The following LTBP1 variants were observed in gnomAD, a reference collection of about 807,000 sequenced individuals.
The protein encoded by LTBP1 is latent-transforming growth factor beta-binding protein 1.
LTBP1 carries 129 observed loss-of-function variants against 207.6 expected under a neutral mutation model. The observed-to-expected ratio is 0.62, with a 90% confidence interval of 0.54 to 0.72. The LOEUF (loss-of-function observed/expected upper bound fraction) is 0.72, where lower values mean the gene tolerates loss of function less well. LTBP1 is among the 30% of genes least tolerant of loss of function. The pLI is 0.00. For synonymous variants in LTBP1, 963 were observed against 833.7 expected, an observed-to-expected ratio of 1.16 and a Z score of -2.67; for missense variants, 2,281 against 2,217.2, an observed-to-expected ratio of 1.03 and a Z score of -0.58.
intron 4 of LTBP1, among the ~76,000 whole-genome samples, chr2:33,133,773 C>A (rs905325971): frequency 6.6e-6 from 1 of 152,080 alleles, no homozygotes; most frequent in Non-Finnish European, 1.5e-5. Context: ...CTGATAGAGA[C>A]GTTGAAAGTT....
chr2:33,118,677 G>A (rs2080918585), intron 4 of LTBP1, among the ~76,000 whole-genome samples: 2 of 152,222 alleles, frequency 1.3e-5, no homozygotes, highest in South Asian at 4.1e-4. Flanking sequence ...GTTCTGCTGA[G>A]CTGGTATCCT....
chr2:33,014,261 A>T (rs964145979), intron 2 of LTBP1, among the ~76,000 whole-genome samples: 4 of 152,162 alleles, frequency 2.6e-5, no homozygotes, highest in African/African-American at 9.7e-5. Context: ...ATGTTATGCT[A>T]ATTTTTTTTT....
Position 33,266,968 on chromosome 2 carries a change from C to G in LTBP1, c.2617+3576C>G, listed in dbSNP as rs549705471. Among the ~76,000 whole-genome samples, 360 of 152,342 alleles carry G rather than the reference C, an allele frequency of 2.4e-3. 2 individuals carry two copies. The highest frequency in any genetic ancestry group is 7.9e-3 in the South Asian group (38 of 4,832). On this transcript the variant is annotated intron_variant, in intron 15 of 33. Transcript: ENST00000404816. Reference sequence around the variant, plus strand: ...AGAAGAGCTGTGGCCCTTTGGGGAGCCCAAACCTAGGGGCTCCCCAAGCCA... The same window carrying G: ...AGAAGAGCTGTGGCCCTTTGGGGAGGCCAAACCTAGGGGCTCCCCAAGCCA...
chr2:33,244,401 C>T (rs1489299960), intron 10 of LTBP1, among the ~76,000 whole-genome samples: 1 of 152,156 alleles, frequency 6.6e-6, no homozygotes, highest in Non-Finnish European at 1.5e-5. Flanking sequence ...GAGATTTTCC[C>T]TTGTTTCTGA....
chr2:33,387,810 G>A (rs575518830), intron 31 of LTBP1, among the ~76,000 whole-genome samples: 61 of 150,982 alleles, frequency 4.0e-4, no homozygotes, highest in African/African-American at 1.3e-3. Context: ...ATTGCCTTGC[G>A]CGACAATAGA....
chr2:33,246,287 G>A (rs1418912843), intron 10 of LTBP1, among the ~76,000 whole-genome samples: 2 of 152,196 alleles, frequency 1.3e-5, no homozygotes, highest in Non-Finnish European at 2.9e-5. Context: ...TTTAGGATTT[G>A]CGATTTGAAC....
At chr2:33,131,736 T>C (rs186075821) in intron 4 of LTBP1, among the ~76,000 whole-genome samples, 25 of 152,364 alleles carry the variant, frequency 1.6e-4, no homozygotes, top group Non-Finnish European at 2.9e-4. Flanking sequence ...TGAAATAAAA[T>C]ATAGCTTCTG....
At position 33,134,470 on chromosome 2, in the gene LTBP1, C is replaced by T; in HGVS notation, c.1034-323C>T. On this transcript the variant is annotated intron_variant, in intron 4 of 33. Coordinates refer to ENST00000404816, the MANE Select transcript of LTBP1 (RefSeq NM_206943.4). This position sits in a 1 kb window ranked among gnomAD's most constrained non-coding sequence, Gnocchi z 4.4. Reference sequence around the variant, plus strand: ...TTAATCTGTCGTGCCCTCGGTATTGCTCTTTGTCTGCCCGTGAATAAAGTG... The same window carrying T: ...TTAATCTGTCGTGCCCTCGGTATTGTTCTTTGTCTGCCCGTGAATAAAGTG... 1 of 1,101,330 alleles carries T rather than the reference C, an allele frequency of 9.1e-7. No individual in the cohort carries two copies. The highest frequency in any genetic ancestry group is 1.3e-6 in the Non-Finnish European group (1 of 775,382). The allele number at this position is 1,101,330 out of a possible 1,614,324, so 68.2% of individuals were successfully genotyped here.
intron 19 of LTBP1, among the ~76,000 whole-genome samples, chr2:33,280,986 G>A (rs891636695): frequency 2.6e-5 from 4 of 152,076 alleles, no homozygotes; most frequent in Admixed American, 6.5e-5. Flanking sequence ...TGGGAGGATC[G>A]CTTGAGTCCA....
chr2:33,051,054 T>C (rs1379576050), intron 3 of LTBP1, among the ~76,000 whole-genome samples: 1 of 151,954 alleles, frequency 6.6e-6, no homozygotes, highest in African/African-American at 2.4e-5. Context: ...AGCCAGAAAA[T>C]GAGCATGGTA....
intron 15 of LTBP1, among the ~76,000 whole-genome samples, chr2:33,270,151 C>T (rs1030322934): frequency 6.6e-6 from 1 of 151,760 alleles, no homozygotes; most frequent in Admixed American, 6.6e-5. Context: ...CTGACCTCGC[C>T]TCAAGTGATC....
intron 2 of LTBP1, among the ~76,000 whole-genome samples, chr2:32,969,624 G>T (rs890976035): frequency 1.3e-5 from 2 of 152,110 alleles, no homozygotes; most frequent in African/African-American, 4.8e-5. Context: ...TTAAGGCTGT[G>T]TAATATTCCA....
intron 2 of LTBP1, among the ~76,000 whole-genome samples, chr2:32,980,163 A>T (rs1033646402): frequency 3.6e-4 from 54 of 151,942 alleles, no homozygotes; most frequent in Non-Finnish European, 4.4e-5. Flanking sequence ...ATTTACATTC[A>T]GTGTTGTTAT....
chr2:33,013,767 A>C (rs1687986988), intron 2 of LTBP1, among the ~76,000 whole-genome samples: 1 of 152,152 alleles, frequency 6.6e-6, no homozygotes, highest in Non-Finnish European at 1.5e-5. Flanking sequence ...TTTAAATTAC[A>C]TCACATGGTT....
chr2:33,262,850 C>A, intron 14 of LTBP1, 29 bp downstream of exon 14: 1 of 1,487,682 alleles, frequency 6.7e-7, no homozygotes, highest in Non-Finnish European at 9.2e-7. Flanking sequence ...TGCTGTTTGT[C>A]AGAGTATTCT....
intron 31 of LTBP1, among the ~76,000 whole-genome samples, chr2:33,385,273 C>G (rs2095256034): frequency 6.6e-6 from 1 of 152,138 alleles, no homozygotes; most frequent in Admixed American, 6.5e-5. Context: ...AGTCTTGAAA[C>G]AAGATTTAAA....
intron 24 of LTBP1, among the ~76,000 whole-genome samples, chr2:33,318,106 TAAGA>T (rs2094299171): frequency 6.6e-6 from 1 of 152,064 alleles, no homozygotes; most frequent in African/African-American, 2.4e-5. Context: ...GCTCAACAGG[TAAGA>T]ATAATGTACA....
intron 24 of LTBP1, among the ~76,000 whole-genome samples, chr2:33,320,196 C>G (rs563312159): frequency 6.6e-6 from 1 of 152,172 alleles, no homozygotes; most frequent in East Asian, 1.9e-4. Flanking sequence ...TGGTGAAACC[C>G]TGTCTCTACT....
Position 33,182,489 on chromosome 2 carries a change from C to T in LTBP1, c.1202-4367C>T, listed in dbSNP as rs902970449. On this transcript the variant is annotated intron_variant, in intron 5 of 33. Coordinates refer to ENST00000404816, the MANE Select transcript of LTBP1 (RefSeq NM_206943.4). ...CATCCTGGCTAACACGGTGAAACCCCATCTCTACTAAAAATACAAAAAATT... is the reference window on the plus strand; with the variant it reads ...CATCCTGGCTAACACGGTGAAACCCTATCTCTACTAAAAATACAAAAAATT... 4.6e-5 allele frequency among the ~76,000 whole-genome samples: 7 copies of T among 151,326 alleles called. No homozygotes were observed. In the South Asian group the frequency reaches 1.3e-3, roughly 27 times the overall value.
Sources: gnomAD v4.1 joint callset for allele counts (sites outside exome capture counted in the v4.1 genomes callset) on GRCh38, gnomAD v4.1.1 for gene constraint, Gnocchi (gnomAD v3.1) non-coding constraint, MANE v1.5 for transcripts, NCBI Gene and HGNC (gene_info 2026-07-23, HGNC 2026-07-21) for gene names.